FAM83B: variants seen among roughly 807,000 people sequenced by gnomAD.
FAM83B encodes scaffolding CK1 anchoring protein B.
Under a neutral mutation model 38.8 loss-of-function variants are expected in FAM83B, and 26 were observed. The ratio of observed to expected loss-of-function variants is 0.67; its 90% CI spans 0.49 to 0.93. The LOEUF is 0.93. Ranked by LOEUF, FAM83B falls within the 40% of genes least tolerant of loss-of-function variation. FAM83B has a pLI of 0.00. For synonymous variants in FAM83B, 419 were observed against 423.1 expected (o/e 0.99, Z 0.12); for missense variants, 1,237 against 1,197.3 (o/e 1.03, Z -0.49).
intron 2 of FAM83B, among the ~76,000 whole-genome samples, chr6:54,922,118 T>C (rs1773185604): frequency 6.6e-6 from 1 of 152,068 alleles, no homozygotes. Flanking sequence ...TCATTTGTTC[T>C]GCATTTAGTG....
Position 54,942,588 on chromosome 6 carries a change from T to G in FAM83B, c.*581T>G, listed in dbSNP as rs1201009360. Among the ~76,000 whole-genome samples the G allele has an allele frequency of 6.6e-6, 1 of 151,988 alleles. No homozygotes were observed. Among genetic ancestry groups the G allele is most frequent in the Non-Finnish European group, 1.5e-5 (1 of 68,022 alleles). On this transcript the variant is annotated 3_prime_UTR_variant, in exon 5 of 5. Coordinates refer to ENST00000306858, the MANE Select transcript of FAM83B (RefSeq NM_001010872.3). The stretch of plus-strand genomic sequence containing the variant: ...TTATTTTTTTTTCTGCCTGAAGTGT[T>G]TGCAAAGTATCAGCCTCATGTAGTA...
Position 54,940,890 on chromosome 6 carries a change from A to AC in FAM83B, c.1919_1920insC (p.Lys640AsnfsTer7). 1 of 1,613,536 alleles carries AC rather than the reference A, an allele frequency of 6.2e-7. No homozygotes were observed. The highest frequency in any genetic ancestry group is 8.5e-7 in the Non-Finnish European group (1 of 1,179,860). The stretch of plus-strand genomic sequence containing the variant: ...ACTGAATCAAATAACTATATATATA[A>AC]AACCTTGGGTGTAAATAAGCAGACA... On this transcript the variant is annotated frameshift_variant, in exon 5 of 5. Transcript: ENST00000306858. LOFTEE classifies it high-confidence loss of function.
At chr6:54,873,690 G>GTTT (rs34408059) in intron 2 of FAM83B, among the ~76,000 whole-genome samples, 71 of 137,274 alleles carry the variant, frequency 5.2e-4, no homozygotes, top group Admixed American at 8.1e-4. Flanking sequence ...AATGGATAAA[G>GTTT]TTTTTTTTTT....
chr6:54,863,158 G>A (rs2127573618), intron 1 of FAM83B, among the ~76,000 whole-genome samples: 1 of 152,188 alleles, frequency 6.6e-6, no homozygotes, highest in Middle Eastern at 3.4e-3. Context: ...AATCCAAGTT[G>A]TTATCCTATA....
At chr6:54,848,003 T>C (rs750963537) in intron 1 of FAM83B, among the ~76,000 whole-genome samples, 1 of 150,732 alleles carries the variant, frequency 6.6e-6, no homozygotes, top group African/African-American at 2.5e-5. Context: ...CCCGAGGAAA[T>C]CCATGACTGA....
In FAM83B at chr6:54,870,402, T is replaced by G. The variant is rs750389951; in HGVS notation, c.156T>G (p.Val52=). 1 of 1,614,024 alleles carries G rather than the reference T, an allele frequency of 6.2e-7. No homozygotes were observed. Among genetic ancestry groups the G allele is most frequent in the Non-Finnish European group, 8.5e-7 (1 of 1,179,972 alleles). The change falls in exon 2 of 5, where the codon GTT becomes GTG. Residue 52 remains valine (V), a synonymous_variant. Transcript: ENST00000306858. ...AYQEFLVQER[V]SDFLAEEEIN... ...AAGAATTTCTTGTCCAGGAACGAGTTTCAGACTTTCTTGCTGAGGAAGAAA... is the reference window on the plus strand; with the variant it reads ...AAGAATTTCTTGTCCAGGAACGAGTGTCAGACTTTCTTGCTGAGGAAGAAA...
chr6:54,852,217 T>G (rs1771316888), intron 1 of FAM83B, among the ~76,000 whole-genome samples: 1 of 152,248 alleles, frequency 6.6e-6, no homozygotes, highest in African/African-American at 2.4e-5. Context: ...TTGCAGCAAT[T>G]GTGTTTTTAC....
chr6:54,865,474 A>G lies in FAM83B; in HGVS notation c.-60-4713A>G, dbSNP rs1394773357. On this transcript the variant is annotated intron_variant, in intron 1 of 4. Coordinates refer to ENST00000306858, the MANE Select transcript of FAM83B (RefSeq NM_001010872.3). ...AGACCCTATTTCCATGTAAGGTCAC[A>G]TTCACCGGTAATGCAGGTTAGGACT... is the stretch of plus-strand genomic sequence containing the variant. Among the ~76,000 whole-genome samples the G allele has an allele frequency of 3.9e-5, 6 of 152,296 alleles. No homozygotes were observed. In the East Asian group the frequency reaches 1.2e-3, roughly 29 times the overall value.
At chr6:54,885,802 C>T (rs1772260330) in intron 2 of FAM83B, among the ~76,000 whole-genome samples, 2 of 141,228 alleles carry the variant, frequency 1.4e-5, no homozygotes, top group South Asian at 4.5e-4. Context: ...GAACATCACA[C>T]ACCGGGGACT....
intron 2 of FAM83B, among the ~76,000 whole-genome samples, chr6:54,886,624 A>G (rs1238963804): frequency 1.3e-5 from 2 of 151,854 alleles, no homozygotes; most frequent in African/African-American, 4.8e-5. Flanking sequence ...TGATGATGTT[A>G]TCTTTTCATC....
Position 54,942,111 on chromosome 6 carries a change from G to A in FAM83B, c.*104G>A. The stretch of plus-strand genomic sequence containing the variant: ...GATTTTCCTAAGGACAGAATTATGG[G>A]TATGATGTATATGTTCACCAGTGTC... On this transcript the variant is annotated 3_prime_UTR_variant, in exon 5 of 5. Coordinates refer to ENST00000306858, the MANE Select transcript of FAM83B (RefSeq NM_001010872.3). The A allele has an allele frequency of 1.7e-6, 2 of 1,153,394 alleles. No individual in the cohort carries two copies. The highest frequency in any genetic ancestry group is 2.7e-4 in the Middle Eastern group (1 of 3,758). The allele number at this position is 1,153,394 out of a possible 1,614,324, so 71.4% of individuals were successfully genotyped here. A position where few individuals can be genotyped will look rare whatever the true frequency, so the allele number is the denominator to read the frequency against.
chr6:54,873,098 A>G lies in FAM83B; in HGVS notation c.444+2408A>G, dbSNP rs561797429. The stretch of plus-strand genomic sequence containing the variant: ...GGCTGGTCTCAAACTCCTGGATTCA[A>G]GTGATCCTCCTGCCTCAGGCTCCCA... On this transcript the variant is annotated intron_variant, in intron 2 of 4. Coordinates refer to ENST00000306858, the MANE Select transcript of FAM83B (RefSeq NM_001010872.3). Among the ~76,000 whole-genome samples the G allele has an allele frequency of 1.6e-4, 25 of 152,028 alleles. No individual in the cohort carries two copies. The South Asian group carries it at 3.9e-3, about 24-fold the overall frequency.
rs1773738377 is a variant in FAM83B, at chr6:54,942,966, A to G, written c.*959A>G. On this transcript the variant is annotated 3_prime_UTR_variant, in exon 5 of 5. Coordinates refer to ENST00000306858, the MANE Select transcript of FAM83B (RefSeq NM_001010872.3). Reference sequence around the variant, plus strand: ...CACCCAGGCTAGAGTGCAGTGGCGCAATCTTGGCTCACTGCAACCTCTGCC... The same window carrying G: ...CACCCAGGCTAGAGTGCAGTGGCGCGATCTTGGCTCACTGCAACCTCTGCC... 6.6e-6 allele frequency among the ~76,000 whole-genome samples: 1 copy of G among 151,226 alleles called. No individual in the cohort carries two copies. Among genetic ancestry groups the G allele is most frequent in the African/African-American group, 2.4e-5 (1 of 41,054 alleles).
chr6:54,870,854 A>G (rs1216891063), intron 2 of FAM83B, among the ~76,000 whole-genome samples, 164 bp downstream of exon 2: 1 of 152,188 alleles, frequency 6.6e-6, no homozygotes, highest in African/African-American at 2.4e-5. Context: ...TGTATTTCCT[A>G]TATCTTGCAT....
At chr6:54,911,529 C>A (rs1772908836) in intron 2 of FAM83B, among the ~76,000 whole-genome samples, 1 of 152,050 alleles carries the variant, frequency 6.6e-6, no homozygotes, top group Non-Finnish European at 1.5e-5. Flanking sequence ...TTACAAAACC[C>A]TTTTCTTCCC....
At chr6:54,876,776 G>T (rs987317911) in intron 2 of FAM83B, among the ~76,000 whole-genome samples, 2 of 151,972 alleles carry the variant, frequency 1.3e-5, no homozygotes, top group African/African-American at 4.8e-5. Flanking sequence ...TACTGCACAT[G>T]GTGTGTATAG....
intron 2 of FAM83B, among the ~76,000 whole-genome samples, chr6:54,882,928 C>T (rs1427359409): frequency 1.3e-5 from 2 of 151,920 alleles, no homozygotes; most frequent in African/African-American, 2.4e-5. Context: ...ATATTATTGT[C>T]ACTTTATTTT....
chr6:54,893,430 C>T (rs1371191432), intron 2 of FAM83B, among the ~76,000 whole-genome samples: 2 of 152,032 alleles, frequency 1.3e-5, no homozygotes, highest in Non-Finnish European at 2.9e-5. Context: ...TTTAATGAAA[C>T]ATGTAAATAC....
At chr6:54,910,766 T>C (rs576897545) in intron 2 of FAM83B, among the ~76,000 whole-genome samples, 1 of 152,316 alleles carries the variant, frequency 6.6e-6, no homozygotes, top group African/African-American at 2.4e-5. Flanking sequence ...CCCTGAATGA[T>C]AGAATCCCCT....
Sources: allele counts gnomAD v4.1 joint callset (sites outside exome capture counted in the v4.1 genomes callset), GRCh38; gene constraint gnomAD v4.1.1; transcripts MANE v1.5; gene names NCBI Gene and HGNC (gene_info 2026-07-23, HGNC 2026-07-21).